Variants in ARHGAP26 observed in about 807,000 individuals in gnomAD.
The protein encoded by ARHGAP26 is rho GTPase-activating protein 26.
A neutral mutation model predicts 104.8 loss-of-function variants in ARHGAP26; 38 were observed. That is an observed-to-expected ratio of 0.36 (90% CI 0.28 to 0.48). ARHGAP26 has a LOEUF of 0.48. Among genes scored for constraint, ARHGAP26 ranks in the 20% least tolerant of loss-of-function variants. The pLI is 0.99. For missense variants in ARHGAP26, 704 were observed against 947.9 expected (o/e 0.74, Z 3.38); for synonymous variants, 341 against 340.0 (o/e 1.00, Z -0.03).
At chr5:142,897,746 G>A (rs950642831) in intron 6 of ARHGAP26, among the ~76,000 whole-genome samples, 10 of 152,088 alleles carry the variant, frequency 6.6e-5, no homozygotes, top group Non-Finnish European at 1.0e-4. Flanking sequence ...CATCTCTGAG[G>A]GTAAGTACTG....
chr5:142,958,349 T>C (rs1769592676), intron 11 of ARHGAP26, among the ~76,000 whole-genome samples: 1 of 152,180 alleles, frequency 6.6e-6, no homozygotes, highest in Admixed American at 6.5e-5. Context: ...ACCAATCATA[T>C]GTTGAATATA....
At chr5:142,782,826 C>G (rs1179406465) in intron 1 of ARHGAP26, among the ~76,000 whole-genome samples, 2 of 152,104 alleles carry the variant, frequency 1.3e-5, no homozygotes. Flanking sequence ...TGTAAGCAGG[C>G]CTGTGGTAAG....
chr5:142,971,406 A>G (rs1043429733), intron 11 of ARHGAP26, among the ~76,000 whole-genome samples: 3 of 152,136 alleles, frequency 2.0e-5, no homozygotes, highest in African/African-American at 7.2e-5. Flanking sequence ...GGAGACTGCT[A>G]CCCGGTTTCT....
intron 12 of ARHGAP26, among the ~76,000 whole-genome samples, chr5:143,025,632 A>G (rs1319352461): frequency 6.6e-6 from 1 of 152,258 alleles, no homozygotes; most frequent in Non-Finnish European, 1.5e-5. Context: ...TGCAGTGTGC[A>G]TTAAGCCTTG....
intron 20 of ARHGAP26, among the ~76,000 whole-genome samples, chr5:143,185,208 CATTTT>C (rs1599414422): frequency 6.6e-6 from 1 of 152,230 alleles, no homozygotes; most frequent in East Asian, 1.9e-4. Flanking sequence ...ATTATGGTGT[CATTTT>C]AATGCACAAG....
At chr5:143,215,837 C>T (rs1287257026) in intron 22 of ARHGAP26, among the ~76,000 whole-genome samples, 1 of 152,184 alleles carries the variant, frequency 6.6e-6, no homozygotes, top group African/African-American at 2.4e-5. Context: ...GGATATAGCA[C>T]ATTTTATGTA....
chr5:143,024,125 G>A (rs1780713787), intron 12 of ARHGAP26, among the ~76,000 whole-genome samples: 1 of 152,170 alleles, frequency 6.6e-6, no homozygotes, highest in Admixed American at 6.5e-5. Context: ...TGGCTCGGAG[G>A]GCAGGGGGCT....
In ARHGAP26 at chr5:142,982,091, C is replaced by T. The variant is rs3776373; in HGVS notation, c.1108-31989C>T. On this transcript the variant is annotated intron_variant, in intron 11 of 22. Coordinates refer to ENST00000645722, the MANE Select transcript of ARHGAP26 (RefSeq NM_001135608.3). ...TATGCTGCTTTTGAAGGCTGAAAAG[C>T]CCTGTGACCAAATGTTTAGCAGGCT... Among the ~76,000 whole-genome samples, 502 of 152,326 alleles carry T rather than the reference C, an allele frequency of 3.3e-3. 16 individuals carry two copies. The East Asian group carries it at 0.054, about 16-fold the overall frequency.
At chr5:142,860,476 C>G (rs907240941) in intron 1 of ARHGAP26, 1 of 152,246 alleles carries the variant, frequency 6.6e-6, no homozygotes, top group Non-Finnish European at 1.5e-5. Context: ...CCAGCTGCCT[C>G]TTCTGTGGGA....
intron 10 of ARHGAP26, among the ~76,000 whole-genome samples, chr5:142,915,083 A>G (rs2152489036): frequency 6.6e-6 from 1 of 152,280 alleles, no homozygotes; most frequent in East Asian, 1.9e-4. Flanking sequence ...TTTCCCGAGA[A>G]GTTGCGGAGA....
intron 10 of ARHGAP26, among the ~76,000 whole-genome samples, chr5:142,916,131 G>A (rs1259222692): frequency 2.0e-5 from 3 of 152,188 alleles, no homozygotes; most frequent in Non-Finnish European, 2.9e-5. Context: ...CCTGGAGTAT[G>A]TTAACTGGAG....
chr5:143,011,224 C>T (rs1283155842), intron 11 of ARHGAP26, among the ~76,000 whole-genome samples: 5 of 151,988 alleles, frequency 3.3e-5, no homozygotes, highest in Non-Finnish European at 5.9e-5. Context: ...AAGGAGGTAC[C>T]CCTCATCATT....
chr5:143,123,098 A>G (rs1166249401), intron 18 of ARHGAP26, among the ~76,000 whole-genome samples: 2 of 152,206 alleles, frequency 1.3e-5, no homozygotes, highest in African/African-American at 2.4e-5. Flanking sequence ...AGCCTCCAAA[A>G]TGGCTCCCAG....
intron 11 of ARHGAP26, among the ~76,000 whole-genome samples, chr5:142,977,797 G>A (rs372717377): frequency 2.5e-4 from 38 of 152,352 alleles, no homozygotes; most frequent in African/African-American, 8.7e-4. Flanking sequence ...GAGGAAGTCA[G>A]TGAGTCAGAG....
At chr5:143,064,093 AG>A (rs1787136810) in intron 17 of ARHGAP26, among the ~76,000 whole-genome samples, 1 of 152,084 alleles carries the variant, frequency 6.6e-6, no homozygotes, top group African/African-American at 2.4e-5. Flanking sequence ...ACATCTTTAA[AG>A]GGGGCGATTT....
chr5:142,776,835 T>C (rs966515015), intron 1 of ARHGAP26, among the ~76,000 whole-genome samples: 3 of 152,368 alleles, frequency 2.0e-5, no homozygotes, highest in Non-Finnish European at 4.4e-5. Context: ...TAAAAAAACC[T>C]ACCATACTGT....
chr5:142,965,163 A>G (rs908213638), intron 11 of ARHGAP26, among the ~76,000 whole-genome samples: 10 of 152,194 alleles, frequency 6.6e-5, no homozygotes, highest in Admixed American at 3.9e-4. Flanking sequence ...TGCTATCTAG[A>G]AGGCAGAGCC....
chr5:142,997,569 C>T (rs1004395297), intron 11 of ARHGAP26, among the ~76,000 whole-genome samples: 1 of 134,220 alleles, frequency 7.5e-6, no homozygotes, highest in Non-Finnish European at 1.6e-5. Context: ...CCACCCATGC[C>T]TGGCTGATTT....
chr5:142,898,850 G>A (rs1759871639), intron 6 of ARHGAP26, among the ~76,000 whole-genome samples: 2 of 152,186 alleles, frequency 1.3e-5, no homozygotes, highest in Admixed American at 6.5e-5. Flanking sequence ...CTTGGTAGCT[G>A]TATTAGTTTG....
Sources: allele counts gnomAD v4.1 joint callset (sites outside exome capture counted in the v4.1 genomes callset), GRCh38; gene constraint gnomAD v4.1.1; transcripts MANE v1.5; gene names NCBI Gene and HGNC (gene_info 2026-07-23, HGNC 2026-07-21).